DLGAP4: variants seen among roughly 807,000 people sequenced by gnomAD.
DLGAP4 encodes the protein disks large-associated protein 4.
A neutral mutation model predicts 86.9 loss-of-function variants in DLGAP4; 18 were observed. That is an observed-to-expected ratio of 0.21 (90% CI 0.14 to 0.31). The LOEUF (loss-of-function observed/expected upper bound fraction) is 0.31. Ranked by LOEUF, DLGAP4 falls within the 10% of genes least tolerant of loss-of-function variation. DLGAP4 has a pLI of 1.00. For synonymous variants in DLGAP4, 548 were observed against 574.3 expected, an observed-to-expected ratio of 0.95 and a Z score of 0.65; for missense variants, 1,085 against 1,362.6, an observed-to-expected ratio of 0.80 and a Z score of 3.21.
chr20:36,318,106 TCACACACACACACACACACACACACA>T lies in DLGAP4; in HGVS notation c.-304+11621_-304+11646del, dbSNP rs1156543199. Among the ~76,000 whole-genome samples the T allele has an allele frequency of 3.6e-5, 5 of 139,150 alleles. No individual in the cohort carries two copies. In the South Asian group the frequency reaches 7.6e-4, roughly 21 times the overall value. 91.3% of individuals were successfully genotyped at this position (139,150 alleles called of 152,430 possible). Reference sequence around the variant, plus strand: ...TTAAAGCAGTAATAAATGTGTCCTCTCACACACACACACACACACACACACACACACACACACACACACACACACAC... The same window carrying T: ...TTAAAGCAGTAATAAATGTGTCCTCTCACACACACACACACACACACACAC... On this transcript the variant is annotated intron_variant, in intron 1 of 12. Transcript: ENST00000339266.
chr20:36,436,544 C>G (rs1246028468), intron 4 of DLGAP4, among the ~76,000 whole-genome samples, 194 bp downstream of exon 4: 1 of 152,154 alleles, frequency 6.6e-6, no homozygotes, highest in Non-Finnish European at 1.5e-5. Context: ...CCGCCCGGCG[C>G]GGTGGCTCAC....
chr20:36,417,043 G>A (rs1312657298), intron 2 of DLGAP4, among the ~76,000 whole-genome samples: 1 of 152,190 alleles, frequency 6.6e-6, no homozygotes, highest in African/African-American at 2.4e-5. Context: ...GAGCGCGGGA[G>A]GCACTAATCA....
chr20:36,420,768 G>A (rs1749875329), intron 2 of DLGAP4, among the ~76,000 whole-genome samples: 2 of 152,214 alleles, frequency 1.3e-5, no homozygotes, highest in African/African-American at 4.8e-5. Context: ...GAGGTCGGGA[G>A]TTCAAGCCCA....
At chr20:36,340,829 G>A (rs781908330) in intron 1 of DLGAP4, among the ~76,000 whole-genome samples, 3 of 152,214 alleles carry the variant, frequency 2.0e-5, no homozygotes, top group Non-Finnish European at 4.4e-5. Flanking sequence ...GCGATCCAGC[G>A]GGTGGAGGGG....
intron 7 of DLGAP4, among the ~76,000 whole-genome samples, chr20:36,476,056 A>G (rs989443105): frequency 4.0e-5 from 6 of 151,736 alleles, no homozygotes; most frequent in African/African-American, 1.5e-4. Context: ...ACAGGGTTTC[A>G]CCATGTTGGC....
Position 36,432,531 on chromosome 20 carries a change from G to T in DLGAP4, c.814G>T (p.Ala272Ser). 1.0e-6 allele frequency: 1 copy of T among 972,888 alleles called. No homozygotes were observed. The highest frequency in any genetic ancestry group is 1.5e-6 in the Non-Finnish European group (1 of 664,128). The allele number at this position is 972,888 out of a possible 1,614,324, so 60.3% of individuals were successfully genotyped here. A position where few individuals can be genotyped will look rare whatever the true frequency, so the allele number is the denominator to read the frequency against. ...TELTAPPPPP[A>S]PPATCPSLGV... is the part of the protein sequence containing the mutation. ...GCTGACTGCCCCACCACCCCCGCCC[G>T]CACCCCCAGCCACCTGCCCCAGCCT... Residue 272 changes from alanine to serine, a missense_variant, in exon 3 of 13, where the codon GCA (alanine) becomes TCA (serine). By Grantham distance (99) the Ala-to-Ser change is moderately conservative. Transcript: ENST00000339266. The surrounding 1 kb of genome is among the most constrained non-coding windows in gnomAD (Gnocchi z 6.5).
chr20:36,391,598 T>C (rs192706019), intron 2 of DLGAP4, among the ~76,000 whole-genome samples: 227 of 152,332 alleles, frequency 1.5e-3, no homozygotes, highest in African/African-American at 5.2e-3. Flanking sequence ...TGGAAGAAGC[T>C]GGGACGCTGG....
intron 10 of DLGAP4, among the ~76,000 whole-genome samples, chr20:36,517,614 T>A (rs998447167): frequency 2.6e-5 from 4 of 152,212 alleles, no homozygotes; most frequent in Admixed American, 2.0e-4. Context: ...ACTGATTTTT[T>A]TTTTTTAATT....
At chr20:36,430,946 C>G (rs1659825347) in intron 2 of DLGAP4, among the ~76,000 whole-genome samples, 1 of 125,134 alleles carries the variant, frequency 8.0e-6, no homozygotes, top group Non-Finnish European at 1.7e-5. Context: ...CAGAGTGAGA[C>G]TCTGTCTCTA....
At chr20:36,327,179 T>C (rs970822897) in intron 1 of DLGAP4, among the ~76,000 whole-genome samples, 5 of 151,922 alleles carry the variant, frequency 3.3e-5, no homozygotes. Flanking sequence ...TTTGTATTTT[T>C]AGTAGAGATG....
At chr20:36,361,924 A>G (rs2030534674) in intron 1 of DLGAP4, among the ~76,000 whole-genome samples, 1 of 149,712 alleles carries the variant, frequency 6.7e-6, no homozygotes, top group Admixed American at 6.7e-5. Flanking sequence ...GGTTGCAGTG[A>G]GCCAAGATTG....
intron 2 of DLGAP4, among the ~76,000 whole-genome samples, chr20:36,426,523 A>T (rs1047213278): frequency 7.2e-6 from 1 of 139,274 alleles, no homozygotes; most frequent in African/African-American, 3.1e-5. Context: ...ACTCTGTCTC[A>T]AAAAAAAAAA....
At chr20:36,512,835 G>A (rs1372633145) in intron 10 of DLGAP4, 1 of 151,834 alleles carries the variant, frequency 6.6e-6, no homozygotes, top group Non-Finnish European at 1.5e-5. Context: ...CAAGGCTGAG[G>A]GAAGCCACCA....
chr20:36,420,217 G>A lies in DLGAP4; in HGVS notation c.-72-11429G>A, dbSNP rs141199825. Among the ~76,000 whole-genome samples, 13 of 152,268 alleles carry A rather than the reference G, an allele frequency of 8.5e-5. No homozygotes were observed. In the South Asian group the frequency reaches 1.9e-3, roughly 22 times the overall value. On this transcript the variant is annotated intron_variant, in intron 2 of 12. Coordinates refer to ENST00000339266, the MANE Select transcript of DLGAP4 (RefSeq NM_001365621.2). ...TGAACACCTACTATATCCAAGCCCC[G>A]TGCTGGATGCTGGAGACGCAGTGGT...
At chr20:36,461,677 G>T (rs1168626367) in intron 7 of DLGAP4, 3 of 49,058 alleles carry the variant, frequency 6.1e-5, no homozygotes, top group Admixed American at 5.7e-4. Flanking sequence ...GGCCCGGCCC[G>T]GCCCTGCCCC....
At chr20:36,439,637 C>A (rs182879950) in intron 4 of DLGAP4, 117 bp from the exon 5 acceptor site, 8 of 817,850 alleles carry the variant, frequency 9.8e-6, no homozygotes, top group Non-Finnish European at 1.6e-5. Flanking sequence ...TGCCACCCTG[C>A]GGCTGCAGCG....
chr20:36,440,836 G>A lies in DLGAP4; in HGVS notation c.1356+968G>A, dbSNP rs569212303. The stretch of plus-strand genomic sequence containing the variant: ...GTTAGGCAGTGGGGCGGCCAGGTGC[G>A]GGTCCAGCCTCCTCTCAGCAGGAAC... On this transcript the variant is annotated intron_variant, in intron 5 of 12. Transcript: ENST00000339266. Among the ~76,000 whole-genome samples, 5 of 151,972 alleles carry A rather than the reference G, an allele frequency of 3.3e-5. No individual in the cohort carries two copies. In the East Asian group the frequency reaches 7.8e-4, roughly 24 times the overall value.
intron 10 of DLGAP4, among the ~76,000 whole-genome samples, chr20:36,502,228 G>A (rs1265769195): frequency 6.6e-6 from 1 of 152,142 alleles, no homozygotes; most frequent in African/African-American, 2.4e-5. Flanking sequence ...TGTAAATATT[G>A]TTTATTGCAG....
At chr20:36,413,986 CA>C (rs2032581137) in intron 2 of DLGAP4, among the ~76,000 whole-genome samples, 3 of 152,158 alleles carry the variant, frequency 2.0e-5, no homozygotes. Context: ...ATACCCAGGT[CA>C]AATAGGGTCC....
Sources: gnomAD v4.1 joint callset for allele counts (sites outside exome capture counted in the v4.1 genomes callset) on GRCh38, gnomAD v4.1.1 for gene constraint, Gnocchi (gnomAD v3.1) non-coding constraint, MANE v1.5 for transcripts, NCBI Gene and HGNC (gene_info 2026-07-23, HGNC 2026-07-21) for gene names.